CHST8: variants seen among roughly 807,000 people sequenced by gnomAD.
The protein encoded by CHST8 is carbohydrate sulfotransferase 8, also known as GALNAC-4-ST1.
Under a neutral mutation model 15.0 loss-of-function variants are expected in CHST8, and 10 were observed. The observed-to-expected ratio is 0.67, with a 90% confidence interval of 0.41 to 1.13. The LOEUF is 1.13. Ranked by LOEUF, CHST8 falls within the 50% of genes most tolerant of loss-of-function variation. The pLI, the probability that CHST8 is intolerant of heterozygous loss-of-function variation, is 0.00. For missense variants in CHST8, 634 were observed against 608.2 expected (o/e 1.04, Z -0.45); for synonymous variants, 259 against 256.6 (o/e 1.01, Z -0.09).
chr19:33,647,778 G>A (rs781707217), intron 1 of CHST8, among the ~76,000 whole-genome samples: 4 of 151,962 alleles, frequency 2.6e-5, no homozygotes, highest in African/African-American at 4.8e-5. Flanking sequence ...CCCGGGAGGC[G>A]GAGGTTGCAG....
chr19:33,753,403 C>T (rs921951877), intron 3 of CHST8, among the ~76,000 whole-genome samples: 1 of 140,144 alleles, frequency 7.1e-6, no homozygotes, highest in Non-Finnish European at 1.6e-5. Flanking sequence ...CTTCCCCCTA[C>T]CAACCACCCA....
chr19:33,680,964 C>G (rs1332149593), intron 2 of CHST8, among the ~76,000 whole-genome samples: 2 of 152,090 alleles, frequency 1.3e-5, no homozygotes, highest in African/African-American at 4.8e-5. Context: ...TCCCATATAT[C>G]CCTTACACAC....
At chr19:33,742,957 C>T (rs1394501087) in intron 3 of CHST8, among the ~76,000 whole-genome samples, 2 of 152,214 alleles carry the variant, frequency 1.3e-5, no homozygotes, top group African/African-American at 2.4e-5. Flanking sequence ...GCACTGCCTA[C>T]ATTCAGCCCT....
intron 3 of CHST8, among the ~76,000 whole-genome samples, chr19:33,760,354 G>A (rs1335484905): frequency 1.7e-5 from 1 of 57,514 alleles, no homozygotes; most frequent in African/African-American, 7.2e-5. Context: ...ATCTCACTCT[G>A]TCACCCAGGC....
At chr19:33,721,994 T>C (rs1973804676) in intron 3 of CHST8, among the ~76,000 whole-genome samples, 1 of 142,616 alleles carries the variant, frequency 7.0e-6, no homozygotes, top group African/African-American at 2.7e-5. Flanking sequence ...GATGGATGGA[T>C]GGATAGATGG....
Position 33,772,428 on chromosome 19 carries a change from G to T in CHST8, c.640G>T (p.Gly214Cys). ...NWKRVLMVLA[G>C]LASSTADIQH... ...GAAGCGGGTGCTCATGGTGCTGGCC[G>T]GCCTGGCCTCGTCCACTGCCGACAT... Residue 214 changes from glycine to cysteine, a missense_variant, in exon 5 of 5, where the codon GGC becomes TGC. Coordinates refer to ENST00000650847, the MANE Select transcript of CHST8 (RefSeq NM_001127895.2). The T allele has an allele frequency of 1.9e-6, 3 of 1,611,056 alleles. No homozygotes were observed. Among genetic ancestry groups the T allele is most frequent in the Non-Finnish European group, 2.5e-6 (3 of 1,179,900 alleles).
At chr19:33,646,564 C>T (rs148384883) in intron 1 of CHST8, among the ~76,000 whole-genome samples, 1 of 152,196 alleles carries the variant, frequency 6.6e-6, no homozygotes, top group African/African-American at 2.4e-5. Flanking sequence ...TGGCTTTAGT[C>T]CCTGAGCAAG....
chr19:33,717,938 A>G (rs1321843785), intron 3 of CHST8, among the ~76,000 whole-genome samples: 2 of 152,186 alleles, frequency 1.3e-5, no homozygotes, highest in East Asian at 1.9e-4. Flanking sequence ...TAGGACTTCA[A>G]GGTGGATTTG....
intron 3 of CHST8, among the ~76,000 whole-genome samples, chr19:33,758,045 G>A (rs998516699): frequency 4.0e-5 from 6 of 151,292 alleles, no homozygotes; most frequent in Admixed American, 2.6e-4. Context: ...CCGGACTGAC[G>A]GCCAGAGCCC....
intron 3 of CHST8, among the ~76,000 whole-genome samples, chr19:33,758,308 G>A (rs752498980): frequency 5.3e-5 from 8 of 152,168 alleles, no homozygotes; most frequent in Non-Finnish European, 8.8e-5. Flanking sequence ...CGGGACCCCT[G>A]TGGGTACAGT....
At chr19:33,660,808 C>A (rs952181582) in intron 1 of CHST8, among the ~76,000 whole-genome samples, 3 of 152,332 alleles carry the variant, frequency 2.0e-5, no homozygotes, top group Admixed American at 2.0e-4. Flanking sequence ...GCCTTGGGTG[C>A]ACTGCCTGTG....
chr19:33,665,430 A>G (rs1972643522), intron 1 of CHST8, among the ~76,000 whole-genome samples: 1 of 152,202 alleles, frequency 6.6e-6, no homozygotes, highest in Non-Finnish European at 1.5e-5. Context: ...GATACAGAAC[A>G]GGCGTGGCTG....
At chr19:33,708,684 C>G (rs1447217359) in intron 3 of CHST8, among the ~76,000 whole-genome samples, 1 of 152,092 alleles carries the variant, frequency 6.6e-6, no homozygotes, top group African/African-American at 2.4e-5. Context: ...TGTTCTTTTT[C>G]AAAACCATTT....
chr19:33,693,704 A>G (rs1234190908), intron 3 of CHST8, among the ~76,000 whole-genome samples: 3 of 152,108 alleles, frequency 2.0e-5, no homozygotes, highest in Non-Finnish European at 2.9e-5. Flanking sequence ...TTGTTGTCCC[A>G]ATAAATTAGG....
chr19:33,632,747 T>TTGTGTGTG (rs10589446), intron 1 of CHST8, among the ~76,000 whole-genome samples: 6 of 149,612 alleles, frequency 4.0e-5, no homozygotes, highest in African/African-American at 1.5e-4. Flanking sequence ...TTGGTTTTCC[T>TTGTGTGTG]TGTGTGTGTG....
intron 3 of CHST8, among the ~76,000 whole-genome samples, chr19:33,740,917 C>T (rs1017212514): frequency 6.6e-6 from 1 of 152,156 alleles, no homozygotes; most frequent in Non-Finnish European, 1.5e-5. Context: ...GATTTCACAC[C>T]TTACATTCCC....
intron 2 of CHST8, among the ~76,000 whole-genome samples, chr19:33,674,873 A>G (rs918927704): frequency 9.2e-5 from 14 of 152,242 alleles, no homozygotes; most frequent in African/African-American, 2.9e-4. Flanking sequence ...CCCGTTGGCC[A>G]GGAGCTGGGT....
At chr19:33,761,571 T>C (rs1254101227) in intron 3 of CHST8, among the ~76,000 whole-genome samples, 1 of 151,858 alleles carries the variant, frequency 6.6e-6, no homozygotes, top group East Asian at 1.9e-4. Flanking sequence ...CCTCAGGTGA[T>C]ACACCCGCCT....
At chr19:33,684,489 C>A (rs1300033469) in intron 2 of CHST8, 1 of 152,408 alleles carries the variant, frequency 6.6e-6, no homozygotes, top group Non-Finnish European at 1.5e-5. Context: ...GTCAACCTTG[C>A]AGAGCATTGC....
Sources: gnomAD v4.1 joint callset for allele counts (sites outside exome capture counted in the v4.1 genomes callset) on GRCh38, gnomAD v4.1.1 for gene constraint, MANE v1.5 for transcripts, NCBI Gene and HGNC (gene_info 2026-07-23, HGNC 2026-07-21) for gene names.